The following CDH26 variants were observed in gnomAD, a reference collection of about 807,000 sequenced individuals.
CDH26 encodes the protein cadherin 26.
CDH26 carries 83 observed loss-of-function variants against 90.3 expected under a neutral mutation model. The observed-to-expected ratio is 0.92, with a 90% CI of 0.77 to 1.10. The LOEUF (loss-of-function observed/expected upper bound fraction) is 1.10. CDH26 is among the 50% of genes least tolerant of loss of function. The probability of loss-of-function intolerance (pLI) is 0.00; values close to 1 mark genes in which losing one functional copy is unlikely to be tolerated. For synonymous variants in CDH26, 397 were observed against 396.3 expected (o/e 1.00, Z -0.02); for missense variants, 1,013 against 1,037.6 (o/e 0.98, Z 0.33).
chr20:60,001,281 AC>A, intron 14 of CDH26, 61 bp from the exon 15 acceptor site: 1 of 1,606,798 alleles, frequency 6.2e-7, no homozygotes, highest in South Asian at 1.1e-5. Context: ...ACGCATGCCC[AC>A]TTTGTTTCCA....
At chr20:59,994,925 C>T (rs2061574418) in intron 11 of CDH26, among the ~76,000 whole-genome samples, 1 of 152,190 alleles carries the variant, frequency 6.6e-6, no homozygotes, top group African/African-American at 2.4e-5. Flanking sequence ...TCTCCTGATT[C>T]ATACTGAGAA....
intron 4 of CDH26, among the ~76,000 whole-genome samples, chr20:59,972,733 C>CAA (rs2061278375): frequency 6.6e-6 from 1 of 152,148 alleles, no homozygotes; most frequent in Non-Finnish European, 1.5e-5. Flanking sequence ...ATTTTGACTT[C>CAA]AGTGGAATGG....
At position 59,967,989 on chromosome 20, in the gene CDH26, T is replaced by A. The variant is rs545392157; in HGVS notation, c.70-978T>A. Reference sequence around the variant, plus strand: ...TTTCTTTCTTTCTTTCTTTCTTTCTTTCTTTCTTTCTTTCTTTCTTTCTTC... The same window carrying A: ...TTTCTTTCTTTCTTTCTTTCTTTCTATCTTTCTTTCTTTCTTTCTTTCTTC... On this transcript the variant is annotated intron_variant, in intron 1 of 17. Transcript: ENST00000348616. Among the ~76,000 whole-genome samples the A allele has an allele frequency of 2.3e-3, 301 of 132,132 alleles. 12 individuals are homozygous for A. The highest frequency in any genetic ancestry group is 9.1e-3 in the African/African-American group (291 of 31,816). 86.7% of individuals were successfully genotyped at this position (132,132 alleles called of 152,430 possible).
At chr20:59,967,951 CTTTCTATCTT>C (rs1569024687) in intron 1 of CDH26, among the ~76,000 whole-genome samples, 15 of 83,992 alleles carry the variant, frequency 1.8e-4, no homozygotes, top group African/African-American at 1.1e-3. Context: ...TTCTTTCTTT[CTTTCTATCTT>C]TCTTTCTTTC....
chr20:59,985,094 G>C lies in CDH26; in HGVS notation c.802G>C (p.Gly268Arg). Reference sequence around the variant, plus strand: ...CACCGTTCACGTGGATGTGCAAGAAGGCAACAACCACAGGCCTGCATTTAC... The same window carrying C: ...CACCGTTCACGTGGATGTGCAAGAACGCAACAACCACAGGCCTGCATTTAC... ...TTTVHVDVQE[G>R]NNHRPAFTQE... Residue 268 changes from glycine (G) to arginine (R), a missense_variant, in exon 7 of 18, where the codon GGC becomes CGC. Coordinates refer to ENST00000348616, the MANE Select transcript of CDH26 (RefSeq NM_177980.4). The C allele has an allele frequency of 6.2e-7, 1 of 1,614,024 alleles. No individual in the cohort carries two copies. The highest frequency in any genetic ancestry group is 8.5e-7 in the Non-Finnish European group (1 of 1,179,998).
rs758545172 is a variant in CDH26 at position 59,970,106 on chromosome 20, C to T, written c.151C>T (p.Arg51Ter). 1.7e-5 allele frequency: 27 copies of T among 1,613,616 alleles called. 1 individual carries two copies. Among genetic ancestry groups the T allele is most frequent in the Admixed American group, 5.0e-5 (3 of 59,948 alleles). The change falls in exon 3 of 18, where the codon CGA becomes TGA. Residue 51 changes from arginine (R) to a stop codon, truncating the protein, a stop_gained. Coordinates refer to ENST00000348616, the MANE Select transcript of CDH26 (RefSeq NM_177980.4). LOFTEE classifies it high-confidence loss of function. Reference sequence around the variant, plus strand: ...GGAAAAGATCTACCAGCCTCTACGGCGATCCAAGAGAAGATGGGTTATCAC... The same window carrying T: ...GGAAAAGATCTACCAGCCTCTACGGTGATCCAAGAGAAGATGGGTTATCAC... ...TKEKIYQPLR[R>*]SKRRWVITTL...
chr20:60,018,702 C>CTTTTTTTTT (rs55994712), downstream of CDH26, among the ~76,000 whole-genome samples: 177 of 17,798 alleles, frequency 9.9e-3, 20 homozygotes, highest in Non-Finnish European at 0.013. Context: ...CTCTTACTGC[C>CTTTTTTTTT]TTTTTTTTTT....
chr20:59,970,241 C>G (rs892999704), intron 3 of CDH26, 55 bp downstream of exon 3: 2 of 1,591,444 alleles, frequency 1.3e-6, no homozygotes, highest in African/African-American at 2.7e-5. Context: ...GTAAGCACGC[C>G]CCTTTGGCCA....
intron 4 of CDH26, 57 bp downstream of exon 4, chr20:59,972,180 G>T: frequency 2.0e-6 from 3 of 1,525,584 alleles, no homozygotes; most frequent in Non-Finnish European, 2.7e-6. Context: ...CAAGACTGTT[G>T]TATTTGGTAA....
At position 59,989,176 on chromosome 20, in the gene CDH26, G is replaced by A. The variant is rs769283165; in HGVS notation, c.1283+13G>A. The A allele has an allele frequency of 8.1e-6, 13 of 1,612,466 alleles. No homozygotes were observed. Among genetic ancestry groups the A allele is most frequent in the Non-Finnish European group, 1.1e-5 (13 of 1,178,936 alleles). The stretch of plus-strand genomic sequence containing the variant: ...ACAGCCAGATAAGGTGAGAAGAGAG[G>A]GCCAAGAAGGGCGGTTGTTTAAGTG... On this transcript the variant is annotated intron_variant, in intron 9 of 17. Coordinates refer to ENST00000348616, the MANE Select transcript of CDH26 (RefSeq NM_177980.4).
chr20:59,999,157 C>G (rs1004735063), intron 13 of CDH26, among the ~76,000 whole-genome samples: 3 of 152,190 alleles, frequency 2.0e-5, no homozygotes, highest in Non-Finnish European at 2.9e-5. Flanking sequence ...CAACAGAAAT[C>G]CAGCACCCAT....
intron 3 of CDH26, among the ~76,000 whole-genome samples, chr20:59,971,626 A>G (rs2061261936): frequency 6.6e-6 from 1 of 152,178 alleles, no homozygotes. Flanking sequence ...TTGTTTAGTG[A>G]TGTGTCCTGC....
intron 7 of CDH26, among the ~76,000 whole-genome samples, chr20:60,023,910 T>C (rs370006073): frequency 3.9e-5 from 6 of 152,028 alleles, no homozygotes; most frequent in African/African-American, 1.4e-4. Flanking sequence ...TCTTCCCAGC[T>C]AAGCCCTTCC....
chr20:59,993,417 C>A (rs1002168414), intron 10 of CDH26, among the ~76,000 whole-genome samples: 1 of 152,156 alleles, frequency 6.6e-6, no homozygotes, highest in Admixed American at 6.5e-5. Flanking sequence ...CCTTGGCTCC[C>A]TCCTCCCCTG....
Position 59,994,489 on chromosome 20 carries a change from G to T in CDH26, c.1666G>T (p.Gly556Cys). ...CACATGGAAGTTGGGGAGAAATTGG[G>T]GTGAGTTTTTGTATTGGTTACGGGC... ...EDTWKLGRNW[G>C]QSVELLTLRS... is the part of the protein sequence containing the mutation. The change falls in exon 11 of 18, where the codon GGT becomes TGT. Residue 556 changes from glycine to cysteine, a missense_variant and splice_region_variant. Gly to Cys is a radical substitution (Grantham distance 159). Transcript: ENST00000348616. 6.2e-7 allele frequency: 1 copy of T among 1,613,826 alleles called. No individual in the cohort carries two copies. The highest frequency in any genetic ancestry group is 8.5e-7 in the Non-Finnish European group (1 of 1,179,914).
At chr20:59,970,019 A>G in intron 2 of CDH26, 63 bp from the exon 3 acceptor site, 3 of 1,575,792 alleles carry the variant, frequency 1.9e-6, no homozygotes, top group Non-Finnish European at 2.6e-6. Flanking sequence ...TAAGGGTGTG[A>G]TAAATCCTGG....
In CDH26 at chr20:59,990,896, G is replaced by A. The variant is rs1377035426; in HGVS notation, c.1284-1482G>A. Among the ~76,000 whole-genome samples, 4 of 150,312 alleles carry A rather than the reference G, an allele frequency of 2.7e-5. No homozygotes were observed. The East Asian group carries it at 7.8e-4, about 29-fold the overall frequency. ...TTTTTTTTCTTTTTTTTGAGATGGA[G>A]TCTCTCTCTTTCACCCACGCTGGAG... On this transcript the variant is annotated intron_variant, in intron 9 of 17. Transcript: ENST00000348616.
intron 7 of CDH26, among the ~76,000 whole-genome samples, chr20:60,025,768 G>A (rs976078245): frequency 3.3e-5 from 5 of 152,258 alleles, no homozygotes; most frequent in Non-Finnish European, 7.4e-5. Context: ...TACCTAGATC[G>A]CCAACCCTGG....
At chr20:60,021,867 C>CACACACACACACCACACAT (rs2061956514) in intron 7 of CDH26, among the ~76,000 whole-genome samples, 1 of 90,406 alleles carries the variant, frequency 1.1e-5, no homozygotes, top group East Asian at 2.6e-4. Flanking sequence ...CACACACACA[C>CACACACACACACCACACAT]ACACACACAC....
Sources: allele counts gnomAD v4.1 joint callset (sites outside exome capture counted in the v4.1 genomes callset), GRCh38; gene constraint gnomAD v4.1.1; transcripts MANE v1.5; gene names NCBI Gene and HGNC (gene_info 2026-07-23, HGNC 2026-07-21).